SMYD3: variants seen among roughly 807,000 people sequenced by gnomAD.
SMYD3 encodes histone-lysine N-methyltransferase SMYD3.
Under a neutral mutation model 57.7 loss-of-function variants are expected in SMYD3, and 36 were observed. The observed-to-expected ratio is 0.62, with a 90% CI of 0.48 to 0.82. The LOEUF is 0.82. Ranked by LOEUF, SMYD3 falls within the 40% of genes least tolerant of loss-of-function variation. The pLI is 0.00. For missense variants in SMYD3, 515 were observed against 538.8 expected (o/e 0.96, Z 0.44); for synonymous variants, 211 against 195.0 (o/e 1.08, Z -0.68).
At chr1:246,245,434 C>T (rs929865661) in intron 5 of SMYD3, among the ~76,000 whole-genome samples, 2 of 152,008 alleles carry the variant, frequency 1.3e-5, no homozygotes. Context: ...CAGAACGAGA[C>T]TCTGTCTCCA....
At chr1:245,852,443 G>A (rs1572513323) in intron 10 of SMYD3, among the ~76,000 whole-genome samples, 1 of 152,212 alleles carries the variant, frequency 6.6e-6, no homozygotes, top group African/African-American at 2.4e-5. Context: ...TACTTTAGAG[G>A]AGTAGATGGC....
chr1:246,088,453 C>CA (rs368305605), intron 5 of SMYD3, among the ~76,000 whole-genome samples: 1 of 143,652 alleles, frequency 7.0e-6, no homozygotes, highest in Non-Finnish European at 1.5e-5. Flanking sequence ...ACTAAAAATA[C>CA]AAAAAAATTA....
intron 1 of SMYD3, among the ~76,000 whole-genome samples, chr1:246,363,335 G>A (rs1332978390): frequency 1.3e-5 from 2 of 151,606 alleles, no homozygotes; most frequent in African/African-American, 4.9e-5. Context: ...CGCCCCATCC[G>A]GGAGGTGAGG....
At chr1:246,021,015 T>C (rs771424913) in intron 5 of SMYD3, among the ~76,000 whole-genome samples, 1 of 152,162 alleles carries the variant, frequency 6.6e-6, no homozygotes, top group Non-Finnish European at 1.5e-5. Flanking sequence ...GCAAATTTGA[T>C]TGTAAACATA....
chr1:246,107,150 G>GCA lies in SMYD3; in HGVS notation c.532-177214_532-177213insTG, dbSNP rs1558234283. On this transcript the variant is annotated intron_variant, in intron 5 of 11. Transcript: ENST00000490107. Reference sequence around the variant, plus strand: ...AAAATACAAAAAATTAGCCAGGCGTGGTGGCAGGCGCCTGTAGTCCCAGCT... The same window carrying GCA: ...AAAATACAAAAAATTAGCCAGGCGTGCAGTGGCAGGCGCCTGTAGTCCCAGCT... 1.4e-5 allele frequency among the ~76,000 whole-genome samples: 2 copies of GCA among 145,220 alleles called. 1 individual carries two copies. The highest frequency in any genetic ancestry group is 5.3e-5 in the African/African-American group (2 of 37,796).
intron 5 of SMYD3, among the ~76,000 whole-genome samples, chr1:246,178,120 A>G (rs538264688): frequency 7.6e-4 from 116 of 152,348 alleles, no homozygotes; most frequent in Middle Eastern, 3.4e-3. Context: ...GTGTAGCAAC[A>G]GTTCCAAAGG....
intron 1 of SMYD3, among the ~76,000 whole-genome samples, chr1:246,442,695 A>G (rs1355922107): frequency 6.6e-6 from 1 of 152,174 alleles, no homozygotes; most frequent in Non-Finnish European, 1.5e-5. Flanking sequence ...TAAGTTTAAA[A>G]ATATATATAT....
intron 5 of SMYD3, among the ~76,000 whole-genome samples, chr1:245,973,274 T>C (rs1199550850): frequency 6.6e-6 from 1 of 152,256 alleles, no homozygotes; most frequent in Admixed American, 6.5e-5. Flanking sequence ...TTAGGTATTA[T>C]GTTTTTGAGG....
chr1:246,461,514 C>CT (rs2067797468), intron 1 of SMYD3, among the ~76,000 whole-genome samples: 2 of 152,102 alleles, frequency 1.3e-5, no homozygotes, highest in African/African-American at 4.8e-5. Context: ...GCACAGCAAT[C>CT]TATTTCCATG....
chr1:245,915,217 C>T (rs1267140999), intron 8 of SMYD3, among the ~76,000 whole-genome samples: 1 of 152,202 alleles, frequency 6.6e-6, no homozygotes, highest in Non-Finnish European at 1.5e-5. Flanking sequence ...ATTCAACCCA[C>T]TTACTACATA....
At chr1:245,896,002 G>A (rs1261880033) in intron 8 of SMYD3, among the ~76,000 whole-genome samples, 1 of 152,212 alleles carries the variant, frequency 6.6e-6, no homozygotes, top group Non-Finnish European at 1.5e-5. Context: ...ATCAGGGAAT[G>A]AGAAGTTTAT....
rs547189197 is a variant in SMYD3 at position 245,839,217 on chromosome 1, C to T, written c.1076+19279G>A. Among the ~76,000 whole-genome samples the T allele has an allele frequency of 7.9e-5, 12 of 152,180 alleles. No homozygotes were observed. The South Asian group carries it at 1.5e-3, about 18-fold the overall frequency. On this transcript the variant is annotated intron_variant, in intron 10 of 11. Coordinates refer to ENST00000490107, the MANE Select transcript of SMYD3 (RefSeq NM_001167740.2). ...GACATTCTCGCTCTTTCGCCCAGGC[C>T]GGACTGCAGTGGTGCTATCTCAGCT...
chr1:246,246,545 C>G (rs138566452), intron 5 of SMYD3, among the ~76,000 whole-genome samples: 1 of 152,124 alleles, frequency 6.6e-6, no homozygotes, highest in Admixed American at 6.5e-5. Flanking sequence ...TGTTCATATT[C>G]TGGGTTATGT....
intron 10 of SMYD3, among the ~76,000 whole-genome samples, chr1:245,818,060 C>A (rs1360685006): frequency 6.6e-6 from 1 of 151,834 alleles, no homozygotes; most frequent in Admixed American, 6.6e-5. Context: ...CACAAAGATA[C>A]TCCTCGAGAA....
intron 2 of SMYD3, among the ~76,000 whole-genome samples, chr1:246,353,402 T>C (rs1463846621): frequency 1.3e-5 from 2 of 152,070 alleles, no homozygotes; most frequent in Non-Finnish European, 2.9e-5. Flanking sequence ...TGGTGGCACG[T>C]ACCTGTAGTC....
At chr1:246,285,389 T>C (rs1206704847) in intron 5 of SMYD3, among the ~76,000 whole-genome samples, 1 of 152,200 alleles carries the variant, frequency 6.6e-6, no homozygotes, top group Admixed American at 6.5e-5. Flanking sequence ...GCTGGTTCCA[T>C]ATTTTTGCAA....
At chr1:245,814,697 T>C (rs1176760618) in intron 10 of SMYD3, among the ~76,000 whole-genome samples, 1 of 152,196 alleles carries the variant, frequency 6.6e-6, no homozygotes, top group East Asian at 1.9e-4. Context: ...AGAGCTCCGA[T>C]GAGGAATAAA....
intron 5 of SMYD3, among the ~76,000 whole-genome samples, chr1:245,980,017 GT>G (rs1260815415): frequency 1.3e-5 from 2 of 152,244 alleles, no homozygotes; most frequent in Admixed American, 6.5e-5. Context: ...CTCGCCAGCT[GT>G]GGGGCTTTGG....
intron 5 of SMYD3, among the ~76,000 whole-genome samples, chr1:246,180,301 A>AGTATATATATAAGTAGTTT (rs2062519206): frequency 6.9e-6 from 1 of 145,862 alleles, no homozygotes; most frequent in Non-Finnish European, 1.5e-5. Context: ...TATATATATA[A>AGTATATATATAAGTAGTTT]GTATATATAT....
Sources: allele counts gnomAD v4.1 joint callset (sites outside exome capture counted in the v4.1 genomes callset), GRCh38; gene constraint gnomAD v4.1.1; transcripts MANE v1.5; gene names NCBI Gene and HGNC (gene_info 2026-07-23, HGNC 2026-07-21).